ARFIP1: variants seen among roughly 807,000 people sequenced by gnomAD.
ARFIP1 encodes ARF interacting protein 1.
Under a neutral mutation model 42.5 loss-of-function variants are expected in ARFIP1, and 24 were observed. That is an observed-to-expected ratio of 0.57 (90% CI 0.41 to 0.80). ARFIP1 has a LOEUF of 0.80. ARFIP1 is among the 30% of genes least tolerant of loss of function. The probability of loss-of-function intolerance (pLI) is 0.00; values close to 1 mark genes in which losing one functional copy is unlikely to be tolerated. For synonymous variants in ARFIP1, 141 were observed against 153.7 expected (o/e 0.92, Z 0.61); for missense variants, 354 against 434.0 (o/e 0.82, Z 1.64).
At chr4:152,781,429 G>T (rs1238072208) in intron 1 of ARFIP1, among the ~76,000 whole-genome samples, 2 of 151,934 alleles carry the variant, frequency 1.3e-5, no homozygotes, top group Admixed American at 1.3e-4. Flanking sequence ...TAGAGACGGG[G>T]TTTCACCGTG....
At chr4:152,795,457 T>C (rs1303281841) in intron 1 of ARFIP1, among the ~76,000 whole-genome samples, 1 of 152,164 alleles carries the variant, frequency 6.6e-6, no homozygotes, top group African/African-American at 2.4e-5. Context: ...ATATGGCACA[T>C]CCAAGTTTCC....
At chr4:152,786,493 C>T (rs533580188) in intron 1 of ARFIP1, among the ~76,000 whole-genome samples, 11 of 152,334 alleles carry the variant, frequency 7.2e-5, no homozygotes, top group Non-Finnish European at 1.3e-4. Flanking sequence ...TAAAGTCTTA[C>T]TTTCTACATG....
intron 1 of ARFIP1, chr4:152,807,197 T>TA (rs984812578): frequency 6.6e-6 from 1 of 151,786 alleles, no homozygotes; most frequent in Non-Finnish European, 1.5e-5. Context: ...TTTTTTTTTT[T>TA]TTCTAGTTTT....
intron 8 of ARFIP1, 45 bp from the exon 9 acceptor site, chr4:152,910,019 T>C: frequency 6.3e-7 from 1 of 1,585,116 alleles, no homozygotes; most frequent in Non-Finnish European, 8.6e-7. Context: ...TATTTTATTG[T>C]TATTGGTGTT....
chr4:152,840,463 A>G (rs1396963803), intron 2 of ARFIP1, among the ~76,000 whole-genome samples: 1 of 152,246 alleles, frequency 6.6e-6, no homozygotes, highest in African/African-American at 2.4e-5. Context: ...TAGGATTGTG[A>G]TATTTTCCTG....
At chr4:152,856,482 A>G (rs1253213608) in intron 2 of ARFIP1, among the ~76,000 whole-genome samples, 1 of 152,250 alleles carries the variant, frequency 6.6e-6, no homozygotes, top group Non-Finnish European at 1.5e-5. Context: ...ACAATATAGT[A>G]TAACAACTAT....
chr4:152,866,197 G>T (rs1037456023), intron 3 of ARFIP1, among the ~76,000 whole-genome samples: 4 of 152,064 alleles, frequency 2.6e-5, no homozygotes, highest in African/African-American at 9.7e-5. Flanking sequence ...TAAGGTCATA[G>T]ATCAACAGGA....
At chr4:152,830,858 A>G (rs763800657) in intron 2 of ARFIP1, among the ~76,000 whole-genome samples, 1 of 152,208 alleles carries the variant, frequency 6.6e-6, no homozygotes, top group Admixed American at 6.5e-5. Flanking sequence ...TGTTATAAAT[A>G]GATCGGTTTA....
intron 2 of ARFIP1, among the ~76,000 whole-genome samples, chr4:152,851,851 T>G (rs1415846754): frequency 6.6e-6 from 1 of 152,240 alleles, no homozygotes; most frequent in Non-Finnish European, 1.5e-5. Context: ...AGTTCTAAAC[T>G]TATGTTTTTA....
At chr4:152,890,325 CT>C (rs1431048908) in intron 8 of ARFIP1, among the ~76,000 whole-genome samples, 1 of 152,004 alleles carries the variant, frequency 6.6e-6, no homozygotes, top group Non-Finnish European at 1.5e-5. Context: ...GAAGGAGACA[CT>C]TTTCATTTAT....
chr4:152,885,415 G>A (rs557226432), intron 7 of ARFIP1, among the ~76,000 whole-genome samples: 2 of 152,178 alleles, frequency 1.3e-5, no homozygotes, highest in South Asian at 4.1e-4. Flanking sequence ...CAACAAGGGA[G>A]TCAATTGTGG....
intron 1 of ARFIP1, among the ~76,000 whole-genome samples, chr4:152,799,378 T>C (rs1170233684): frequency 6.6e-6 from 1 of 152,246 alleles, no homozygotes; most frequent in Non-Finnish European, 1.5e-5. Flanking sequence ...TGGGGTTTTC[T>C]GTCTCCAGTT....
At chr4:152,866,908 G>C (rs543104356) in intron 3 of ARFIP1, among the ~76,000 whole-genome samples, 1,796 of 152,104 alleles carry the variant, frequency 0.012, 41 homozygotes, top group African/African-American at 0.041. Flanking sequence ...GGGCGGCCGG[G>C]CAGAGACGCT....
chr4:152,828,769 T>C (rs902169643), intron 1 of ARFIP1, among the ~76,000 whole-genome samples: 3 of 152,224 alleles, frequency 2.0e-5, no homozygotes, highest in Admixed American at 1.3e-4. Flanking sequence ...ATTATGGCAT[T>C]GGTGTCGTAT....
intron 2 of ARFIP1, 68 bp downstream of exon 2, chr4:152,829,794 A>T (rs1303295476): frequency 1.4e-5 from 17 of 1,222,248 alleles, no homozygotes; most frequent in Non-Finnish European, 1.9e-5. Flanking sequence ...AGATGAAAGT[A>T]ATAGACAAAA....
chr4:152,867,113 C>T (rs2149879814), intron 3 of ARFIP1, among the ~76,000 whole-genome samples: 1 of 152,232 alleles, frequency 6.6e-6, no homozygotes, highest in South Asian at 2.1e-4. Flanking sequence ...GCAGAGGCTG[C>T]AATCTCGGCA....
At chr4:152,807,872 T>A (rs1230133997) in intron 1 of ARFIP1, among the ~76,000 whole-genome samples, 1 of 152,244 alleles carries the variant, frequency 6.6e-6, no homozygotes. Context: ...AGATAACCAC[T>A]GTTCTGCCTA....
intron 2 of ARFIP1, among the ~76,000 whole-genome samples, chr4:152,830,786 T>G (rs909941597): frequency 6.6e-6 from 1 of 152,188 alleles, no homozygotes; most frequent in South Asian, 2.1e-4. Flanking sequence ...CAAGCAGATA[T>G]GTCCAGATAT....
At chr4:152,790,684 G>A (rs538688289) in intron 1 of ARFIP1, among the ~76,000 whole-genome samples, 1 of 145,148 alleles carries the variant, frequency 6.9e-6, no homozygotes, top group East Asian at 2.0e-4. Flanking sequence ...TAACTATTTT[G>A]TCAGGGCTTT....
Sources: allele counts gnomAD v4.1 joint callset (sites outside exome capture counted in the v4.1 genomes callset), GRCh38; gene constraint gnomAD v4.1.1; transcripts MANE v1.5; gene names NCBI Gene and HGNC (gene_info 2026-07-23, HGNC 2026-07-21).